Variants in ABCC1 observed in about 807,000 individuals in gnomAD.
ABCC1 encodes the protein multidrug resistance-associated protein 1.
ABCC1 carries 83 observed loss-of-function variants against 172.9 expected under a neutral mutation model. The observed-to-expected ratio is 0.48, with a 90% CI of 0.40 to 0.58. The LOEUF (loss-of-function observed/expected upper bound fraction) is 0.58. Ranked by LOEUF, ABCC1 falls within the 20% of genes least tolerant of loss-of-function variation. The pLI, the probability that ABCC1 is intolerant of heterozygous loss-of-function variation, is 0.00. For synonymous variants in ABCC1, 937 were observed against 825.2 expected (o/e 1.14, Z -2.32); for missense variants, 1,817 against 2,002.7 (o/e 0.91, Z 1.77).
At chr16:15,988,600 A>G (rs947221533) in intron 1 of ABCC1, among the ~76,000 whole-genome samples, 1 of 152,168 alleles carries the variant, frequency 6.6e-6, no homozygotes, top group Non-Finnish European at 1.5e-5. Flanking sequence ...GGTTGGATGG[A>G]GAAAACGAGG....
intron 1 of ABCC1, among the ~76,000 whole-genome samples, chr16:16,000,118 G>A (rs2047247772): frequency 6.6e-6 from 1 of 151,714 alleles, no homozygotes; most frequent in Non-Finnish European, 1.5e-5. Flanking sequence ...CTCCCAAAGT[G>A]TTGGGATTAC....
chr16:16,056,406 T>TGGGATTACCAAGCA, intron 12 of ABCC1, 111 bp downstream of exon 12: 1 of 1,271,540 alleles, frequency 7.9e-7, no homozygotes, highest in Non-Finnish European at 1.1e-6. Context: ...TGGCTCATGC[T>TGGGATTACCAAGCA]TGGTAATCCC....
chr16:16,050,190 C>T (rs541776183), intron 10 of ABCC1, among the ~76,000 whole-genome samples: 1 of 152,100 alleles, frequency 6.6e-6, no homozygotes, highest in Non-Finnish European at 1.5e-5. Context: ...AAGGGCTGGA[C>T]GAAATGGCTC....
At chr16:16,135,645 G>A (rs180807183) in intron 28 of ABCC1, among the ~76,000 whole-genome samples, 10 of 152,034 alleles carry the variant, frequency 6.6e-5, no homozygotes, top group East Asian at 1.9e-4. Context: ...TAGTAGAAAC[G>A]GGGTTTCACC....
chr16:16,110,860 C>G (rs2052354828), intron 21 of ABCC1, among the ~76,000 whole-genome samples: 1 of 152,170 alleles, frequency 6.6e-6, no homozygotes, highest in Admixed American at 6.5e-5. Flanking sequence ...GCCTATCTCA[C>G]CACGCGACTG....
chr16:15,993,194 C>T (rs978779431), intron 1 of ABCC1, among the ~76,000 whole-genome samples: 2 of 152,186 alleles, frequency 1.3e-5, no homozygotes, highest in African/African-American at 4.8e-5. Context: ...CAGGTCTAGG[C>T]ATATAGTAGG....
intron 1 of ABCC1, among the ~76,000 whole-genome samples, chr16:15,964,204 A>T (rs2046197187): frequency 6.6e-6 from 1 of 152,076 alleles, no homozygotes; most frequent in Non-Finnish European, 1.5e-5. Context: ...TGGCCTCCCA[A>T]AGTGCTGGGA....
At chr16:16,056,426 G>C (rs1299437467) in intron 12 of ABCC1, 131 bp downstream of exon 12, 1 of 1,064,896 alleles carries the variant, frequency 9.4e-7, no homozygotes, top group Non-Finnish European at 1.3e-6. Flanking sequence ...CAGCACTCTG[G>C]GAGGCCAAAG....
chr16:16,108,919 C>T (rs1464499499), intron 21 of ABCC1, among the ~76,000 whole-genome samples: 1 of 151,804 alleles, frequency 6.6e-6, no homozygotes, highest in East Asian at 1.9e-4. Flanking sequence ...GACCCCCGAG[C>T]CCACCACATT....
rs755141356 is a variant in ABCC1 at position 16,121,992 on chromosome 16, C to T, written c.3408C>T (p.Ser1136=). The T allele has an allele frequency of 6.2e-7, 1 of 1,614,204 alleles. No homozygotes were observed. The highest frequency in any genetic ancestry group is 8.5e-7 in the Non-Finnish European group (1 of 1,180,046). ...YFFVQRFYVA[S]SRQLKRLESV... ...TACCCCAGAGGTTCTACGTGGCTTCCTCCCGGCAGCTGAAGCGCCTCGAGT... is the reference window on the plus strand; with the variant it reads ...TACCCCAGAGGTTCTACGTGGCTTCTTCCCGGCAGCTGAAGCGCCTCGAGT... The change falls in exon 24 of 31, where the codon TCC becomes TCT. Residue 1136 remains serine, a synonymous_variant. Coordinates refer to ENST00000399410, the MANE Select transcript of ABCC1 (RefSeq NM_004996.4).
At chr16:16,017,691 G>A (rs943410637) in intron 5 of ABCC1, among the ~76,000 whole-genome samples, 1 of 152,138 alleles carries the variant, frequency 6.6e-6, no homozygotes, top group African/African-American at 2.4e-5. Flanking sequence ...TTACAGGTGT[G>A]AGTCACCACG....
intron 1 of ABCC1, among the ~76,000 whole-genome samples, chr16:15,981,533 G>A (rs866866973): frequency 1.1e-4 from 17 of 152,234 alleles, no homozygotes; most frequent in African/African-American, 7.2e-5. Context: ...GGCACAGCCC[G>A]AGCAGCATTT....
chr16:15,950,467 C>A (rs1360831598), intron 1 of ABCC1, among the ~76,000 whole-genome samples: 2 of 152,110 alleles, frequency 1.3e-5, no homozygotes, highest in African/African-American at 4.8e-5. Context: ...CAGCTGAGGA[C>A]GCCCAGGACC....
At chr16:16,064,516 ATGT>A (rs1428355973) in intron 12 of ABCC1, among the ~76,000 whole-genome samples, 1 of 151,206 alleles carries the variant, frequency 6.6e-6, no homozygotes, top group Non-Finnish European at 1.5e-5. Context: ...GGGCCGCATG[ATGT>A]TGTCCTGTCC....
intron 1 of ABCC1, 112 bp downstream of exon 1, chr16:15,949,911 C>T: frequency 4.2e-6 from 4 of 959,942 alleles, no homozygotes; most frequent in East Asian, 4.6e-5. Context: ...TGCTGCCGGC[C>T]TCGGGGGCCC....
intron 5 of ABCC1, among the ~76,000 whole-genome samples, chr16:16,029,147 G>A (rs2048475444): frequency 6.6e-6 from 1 of 152,178 alleles, no homozygotes; most frequent in Non-Finnish European, 1.5e-5. Context: ...CACTGGAGGA[G>A]CTTTTTATTT....
chr16:15,956,582 C>T (rs1013150145), intron 1 of ABCC1, among the ~76,000 whole-genome samples: 1 of 152,108 alleles, frequency 6.6e-6, no homozygotes, highest in African/African-American at 2.4e-5. Flanking sequence ...AGCTATTCAC[C>T]TGCCTCGGCC....
chr16:15,980,073 A>G (rs986296504), intron 1 of ABCC1, among the ~76,000 whole-genome samples: 4 of 152,172 alleles, frequency 2.6e-5, no homozygotes, highest in African/African-American at 9.7e-5. Context: ...TAAACATCTG[A>G]TGGAGACATA....
At chr16:15,978,237 A>G (rs1463584405) in intron 1 of ABCC1, among the ~76,000 whole-genome samples, 1 of 151,966 alleles carries the variant, frequency 6.6e-6, no homozygotes, top group African/African-American at 2.4e-5. Context: ...GGTGGCATGC[A>G]CTTGTGGTTC....
Sources: allele counts gnomAD v4.1 joint callset (sites outside exome capture counted in the v4.1 genomes callset), GRCh38; gene constraint gnomAD v4.1.1; transcripts MANE v1.5; gene names NCBI Gene and HGNC (gene_info 2026-07-23, HGNC 2026-07-21).